Variants in RBKS observed in about 807,000 individuals in gnomAD.
RBKS encodes the protein ribokinase.
RBKS carries 33 observed loss-of-function variants against 33.9 expected under a neutral mutation model. The ratio of observed to expected loss-of-function variants is 0.97; its 90% CI spans 0.74 to 1.30. The LOEUF is 1.30. Ranked by LOEUF, RBKS falls within the 50% of genes most tolerant of loss-of-function variation. The probability of loss-of-function intolerance (pLI) is 0.00; values close to 1 mark genes in which losing one functional copy is unlikely to be tolerated. For synonymous variants in RBKS, 125 were observed against 143.0 expected (o/e 0.87, Z 0.90); for missense variants, 361 against 392.6 (o/e 0.92, Z 0.68).
intron 1 of RBKS, among the ~76,000 whole-genome samples, chr2:27,871,845 G>A (rs566681988): frequency 6.6e-6 from 1 of 152,286 alleles, no homozygotes; most frequent in African/African-American, 2.4e-5. Flanking sequence ...TGGTCTCTGT[G>A]CAGTCAAACC....
At chr2:27,783,989 T>C (rs1301815443) in intron 7 of RBKS, among the ~76,000 whole-genome samples, 3 of 85,896 alleles carry the variant, frequency 3.5e-5, no homozygotes, top group Non-Finnish European at 8.1e-5. Context: ...TTTTTTTTTT[T>C]TTTTTTTTTT....
At position 27,890,384 on chromosome 2, in the gene RBKS, C is replaced by T. The variant is rs777387047; in HGVS notation, c.-39G>A. ...TGCTGTCCAACCTGGACGGTGACCT[C>T]TGCCCTTTGCCCGACCCCGTAACCA... On this transcript the variant is annotated 5_prime_UTR_variant, in exon 1 of 8. Transcript: ENST00000302188. This position sits in a 1 kb window ranked among gnomAD's most constrained non-coding sequence, Gnocchi z 4.8. 11 of 1,583,782 alleles carry T rather than the reference C, an allele frequency of 6.9e-6. 1 individual carries two copies. The South Asian group carries it at 1.0e-4, about 15-fold the overall frequency.
At chr2:27,841,370 T>G (rs1371021439) in intron 5 of RBKS, among the ~76,000 whole-genome samples, 1 of 152,174 alleles carries the variant, frequency 6.6e-6, no homozygotes, top group East Asian at 1.9e-4. Context: ...GAGAATGTGC[T>G]TTGATCTATA....
intron 1 of RBKS, among the ~76,000 whole-genome samples, chr2:27,881,001 C>T (rs1159983158): frequency 6.7e-6 from 1 of 150,196 alleles, no homozygotes; most frequent in Admixed American, 6.6e-5. Context: ...GTTGCTTCAG[C>T]CCAGGAGTTC....
At chr2:27,845,997 C>T (rs1256227987) in intron 4 of RBKS, among the ~76,000 whole-genome samples, 2 of 151,888 alleles carry the variant, frequency 1.3e-5, no homozygotes, top group Non-Finnish European at 2.9e-5. Flanking sequence ...AGTCTTGCTC[C>T]GTCGTCGCCC....
At chr2:27,827,885 T>C (rs1022123534) in intron 6 of RBKS, 130 bp from the exon 7 acceptor site, 1 of 690,044 alleles carries the variant, frequency 1.4e-6, no homozygotes, top group Non-Finnish European at 2.3e-6. Context: ...CCTTGATAGA[T>C]ACTGGTACAG....
chr2:27,865,077 T>C (rs1664066334), intron 1 of RBKS, among the ~76,000 whole-genome samples: 1 of 152,158 alleles, frequency 6.6e-6, no homozygotes, highest in Non-Finnish European at 1.5e-5. Flanking sequence ...TCCCAGCACT[T>C]TGGGAGGCTG....
chr2:27,796,209 T>G lies in RBKS; in HGVS notation c.796-14421A>C, dbSNP rs936438678. On this transcript the variant is annotated intron_variant, in intron 7 of 7. Transcript: ENST00000302188. ...GATTCACATCTTCGGTATAACTATTTTTATACACTGGTATGATTTTTTTTT... is the reference window on the plus strand; with the variant it reads ...GATTCACATCTTCGGTATAACTATTGTTATACACTGGTATGATTTTTTTTT... 3.7e-4 allele frequency among the ~76,000 whole-genome samples: 56 copies of G among 149,786 alleles called. 1 individual carries two copies. The highest frequency in any genetic ancestry group is 1.0e-4 in the Non-Finnish European group (7 of 67,782).
At chr2:27,805,143 A>G (rs980566339) in intron 7 of RBKS, among the ~76,000 whole-genome samples, 2 of 152,188 alleles carry the variant, frequency 1.3e-5, no homozygotes, top group African/African-American at 4.8e-5. Flanking sequence ...GCCACACTGG[A>G]AGAATTGTCT....
At chr2:27,876,942 A>C (rs1229824026) in intron 1 of RBKS, among the ~76,000 whole-genome samples, 1 of 152,170 alleles carries the variant, frequency 6.6e-6, no homozygotes, top group African/African-American at 2.4e-5. Context: ...CCTTACTAGC[A>C]CTTTTGAACA....
intron 5 of RBKS, among the ~76,000 whole-genome samples, chr2:27,842,373 C>G (rs1663528267): frequency 6.6e-6 from 1 of 151,734 alleles, no homozygotes; most frequent in Non-Finnish European, 1.5e-5. Flanking sequence ...TTTCCAAAAT[C>G]AAAAACAAAA....
chr2:27,885,406 C>T (rs535301753), intron 1 of RBKS, among the ~76,000 whole-genome samples: 1 of 152,234 alleles, frequency 6.6e-6, no homozygotes, highest in South Asian at 2.1e-4. Flanking sequence ...CTGCTCAAAT[C>T]CTCCACTAGC....
rs2148241102 is a variant in RBKS, at chr2:27,890,225, G to A, written c.89+32C>T. Reference sequence around the variant, plus strand: ...GCGCACGGCACGCCTCCTCCCCCGAGCCGCAGACTGAGTAACTGGCCCCGG... The same window carrying A: ...GCGCACGGCACGCCTCCTCCCCCGAACCGCAGACTGAGTAACTGGCCCCGG... On this transcript the variant is annotated intron_variant, in intron 1 of 7. Coordinates refer to ENST00000302188, the MANE Select transcript of RBKS (RefSeq NM_022128.3). This position sits in a 1 kb window ranked among gnomAD's most constrained non-coding sequence, Gnocchi z 4.8. The A allele has an allele frequency of 1.2e-6, 2 of 1,604,172 alleles. No individual in the cohort carries two copies. Among genetic ancestry groups the A allele is most frequent in the Middle Eastern group, 1.7e-4 (1 of 6,038 alleles).
intron 1 of RBKS, among the ~76,000 whole-genome samples, chr2:27,859,440 G>A (rs886943323): frequency 1.3e-5 from 2 of 152,150 alleles, no homozygotes; most frequent in Non-Finnish European, 2.9e-5. Flanking sequence ...AATGATGATA[G>A]TATTAAGTGA....
At chr2:27,829,548 T>C (rs760662054) in intron 6 of RBKS, among the ~76,000 whole-genome samples, 14 of 151,926 alleles carry the variant, frequency 9.2e-5, no homozygotes, top group Admixed American at 2.6e-4. Flanking sequence ...TTTGTATTTT[T>C]AGTAGAGATG....
At chr2:27,815,219 T>C (rs1265486473) in intron 7 of RBKS, among the ~76,000 whole-genome samples, 2 of 151,684 alleles carry the variant, frequency 1.3e-5, no homozygotes, top group African/African-American at 4.8e-5. Context: ...TTTTCCCCCC[T>C]CTTTTTGAGA....
intron 7 of RBKS, among the ~76,000 whole-genome samples, chr2:27,803,963 A>G (rs1677849358): frequency 6.6e-6 from 1 of 151,920 alleles, no homozygotes; most frequent in Non-Finnish European, 1.5e-5. Context: ...AGGCACTTGA[A>G]CCCGGGAGGT....
chr2:27,809,968 G>A (rs543534878), intron 7 of RBKS: 6 of 1,304,164 alleles, frequency 4.6e-6, no homozygotes, highest in Middle Eastern at 2.1e-4. Context: ...TGTTATAAAA[G>A]GATTCTCTGG....
chr2:27,882,822 A>C (rs1664444529), intron 1 of RBKS, among the ~76,000 whole-genome samples: 1 of 152,210 alleles, frequency 6.6e-6, no homozygotes, highest in African/African-American at 2.4e-5. Context: ...ACACTAACAC[A>C]GGTACAGAAA....
Sources: gnomAD v4.1 joint callset for allele counts (sites outside exome capture counted in the v4.1 genomes callset) on GRCh38, gnomAD v4.1.1 for gene constraint, Gnocchi (gnomAD v3.1) non-coding constraint, MANE v1.5 for transcripts, NCBI Gene and HGNC (gene_info 2026-07-23, HGNC 2026-07-21) for gene names.